LPCAT2: variants seen among roughly 807,000 people sequenced by gnomAD.
LPCAT2 encodes the protein lysophosphatidylcholine acyltransferase 2.
Under a neutral mutation model 64.7 loss-of-function variants are expected in LPCAT2, and 58 were observed. The ratio of observed to expected loss-of-function variants is 0.90; its 90% confidence interval spans 0.73 to 1.12. The LOEUF is 1.12. Among genes scored for constraint, LPCAT2 ranks in the 50% most tolerant of loss-of-function variants. The pLI, the probability that LPCAT2 is intolerant of heterozygous loss-of-function variation, is 0.00. For missense variants in LPCAT2, 579 were observed against 669.8 expected, an observed-to-expected ratio of 0.86 and a Z score of 1.50; for synonymous variants, 252 against 245.3, an observed-to-expected ratio of 1.03 and a Z score of -0.26.
rs149831817 is a variant in LPCAT2 at position 55,522,627 on chromosome 16, T to TA, written c.172-2880dup. Among the ~76,000 whole-genome samples, 634 of 151,860 alleles carry TA rather than the reference T, an allele frequency of 4.2e-3. 4 individuals are homozygous for TA. The highest frequency in any genetic ancestry group is 0.014 in the African/African-American group (602 of 41,540). On this transcript the variant is annotated intron_variant, in intron 1 of 13. Coordinates refer to ENST00000262134, the MANE Select transcript of LPCAT2 (RefSeq NM_017839.5). Reference sequence around the variant, plus strand: ...TAAGGTGGTGGAGTATTGACAGAAGTATAGATCAACAGATCAATGCAACAG... The same window carrying TA: ...TAAGGTGGTGGAGTATTGACAGAAGTAATAGATCAACAGATCAATGCAACAG...
intron 8 of LPCAT2, chr16:55,539,634 G>GTA (rs1377864501): frequency 6.6e-6 from 1 of 152,064 alleles, no homozygotes; most frequent in Non-Finnish European, 1.5e-5. Flanking sequence ...CAGGCACTAA[G>GTA]TATACCACAC....
chr16:55,509,978 G>T (rs1469977106), intron 1 of LPCAT2, among the ~76,000 whole-genome samples: 1 of 134,312 alleles, frequency 7.4e-6, no homozygotes, highest in Non-Finnish European at 1.6e-5. Context: ...CGGGAGAGTA[G>T]ATTTGAAGAA....
intron 11 of LPCAT2, among the ~76,000 whole-genome samples, chr16:55,563,082 G>A (rs2142409445): frequency 6.6e-6 from 1 of 151,960 alleles, no homozygotes; most frequent in African/African-American, 2.4e-5. Context: ...TAAAAAGGAT[G>A]ATGAGTGAGT....
intron 13 of LPCAT2, among the ~76,000 whole-genome samples, chr16:55,581,752 T>G (rs1963889204): frequency 6.6e-6 from 1 of 152,214 alleles, no homozygotes; most frequent in Non-Finnish European, 1.5e-5. Flanking sequence ...AATAAAGTTT[T>G]ATCCACCCAA....
intron 11 of LPCAT2, chr16:55,557,107 A>G (rs1412327765): frequency 6.6e-6 from 1 of 152,228 alleles, no homozygotes; most frequent in Non-Finnish European, 1.5e-5. Flanking sequence ...AGGTTTAGAT[A>G]TAAACCGTAA....
At chr16:55,552,071 T>A (rs1199043763) in intron 11 of LPCAT2, among the ~76,000 whole-genome samples, 2 of 152,200 alleles carry the variant, frequency 1.3e-5, no homozygotes, top group Admixed American at 6.5e-5. Flanking sequence ...ATATATATAT[T>A]TTCTTGCAGC....
At chr16:55,538,875 G>C (rs943967138) in intron 8 of LPCAT2, 1 of 151,834 alleles carries the variant, frequency 6.6e-6, no homozygotes, top group African/African-American at 2.4e-5. Context: ...ATATCTCCCG[G>C]AACCAGTGTT....
At chr16:55,554,994 A>C (rs889537324) in intron 11 of LPCAT2, among the ~76,000 whole-genome samples, 2 of 152,172 alleles carry the variant, frequency 1.3e-5, no homozygotes. Flanking sequence ...GCTCCAAAAC[A>C]ATTATAATAG....
intron 6 of LPCAT2, among the ~76,000 whole-genome samples, chr16:55,533,135 T>G (rs181528067): frequency 6.6e-6 from 1 of 152,332 alleles, no homozygotes; most frequent in East Asian, 1.9e-4. Flanking sequence ...TACTCTGTTG[T>G]CACCATGTTG....
chr16:55,509,861 G>A (rs1365557318), intron 1 of LPCAT2, among the ~76,000 whole-genome samples: 1 of 152,128 alleles, frequency 6.6e-6, no homozygotes, highest in Non-Finnish European at 1.5e-5. Context: ...GAGCTGGCTG[G>A]TGGCGCAGGC....
rs532384754 is a variant in LPCAT2 at position 55,547,019 on chromosome 16, C to T, written c.935+1202C>T. Among the ~76,000 whole-genome samples the T allele has an allele frequency of 3.9e-5, 6 of 152,136 alleles. 1 individual carries two copies. In the East Asian group the frequency reaches 1.2e-3, roughly 29 times the overall value. ...AAAATTAGCCAGGCATTATGGCAAG[C>T]GCCTGTAATCCCAGCTACTCAGGAG... On this transcript the variant is annotated intron_variant, in intron 9 of 13. Transcript: ENST00000262134.
chr16:55,564,972 A>G (rs1242489436), intron 11 of LPCAT2, among the ~76,000 whole-genome samples: 2 of 152,052 alleles, frequency 1.3e-5, no homozygotes, highest in East Asian at 3.8e-4. Flanking sequence ...TAGAATATTT[A>G]AAGAACTCCT....
At chr16:55,579,327 C>A in intron 13 of LPCAT2, 83 bp downstream of exon 13, 1 of 1,301,672 alleles carries the variant, frequency 7.7e-7, no homozygotes, top group East Asian at 2.4e-5. Context: ...TACTGTTTCT[C>A]TTAACTAATT....
chr16:55,560,560 G>A (rs1449805029), intron 11 of LPCAT2, among the ~76,000 whole-genome samples: 2 of 152,048 alleles, frequency 1.3e-5, no homozygotes, highest in African/African-American at 2.4e-5. Flanking sequence ...AGCATAAAAA[G>A]GTATAGGCAC....
chr16:55,563,232 C>T (rs1361328585), intron 11 of LPCAT2, among the ~76,000 whole-genome samples: 2 of 151,724 alleles, frequency 1.3e-5, no homozygotes, highest in African/African-American at 2.4e-5. Context: ...AATCAGTAAC[C>T]AAAAACCTCC....
rs1358056415 is a variant in LPCAT2, at chr16:55,509,198, A to C, written c.17A>C (p.Gln6Pro). MSRCA[Q>P]AAEVAATVPG... is the part of the protein sequence containing the mutation. ...GGCTCAACTATGAGCCGGTGCGCCC[A>C]GGCGGCGGAAGTGGCGGCCACAGTG... The change falls in exon 1 of 14, where the codon CAG becomes CCG. Residue 6 changes from glutamine (Q) to proline (P), a missense_variant. By Grantham distance (76) the Gln-to-Pro change is moderately conservative. Coordinates refer to ENST00000262134, the MANE Select transcript of LPCAT2 (RefSeq NM_017839.5). 6.4e-6 allele frequency: 9 copies of C among 1,407,180 alleles called. No homozygotes were observed. Among genetic ancestry groups the C allele is most frequent in the Non-Finnish European group, 8.4e-6 (9 of 1,075,066 alleles). 87.2% of individuals were successfully genotyped at this position (1,407,180 alleles called of 1,614,324 possible).
chr16:55,509,991 C>CTTTTTTTTTTTTTTTTTTTTT (rs57496150), intron 1 of LPCAT2, among the ~76,000 whole-genome samples: 7 of 102,542 alleles, frequency 6.8e-5, no homozygotes, highest in South Asian at 3.6e-4. Flanking sequence ...TTGAAGAAGT[C>CTTTTTTTTTTTTTTTTTTTTT]TTTTTTTTTT....
intron 11 of LPCAT2, chr16:55,567,442 A>G (rs746144425): frequency 2.5e-6 from 4 of 1,613,818 alleles, no homozygotes; most frequent in Admixed American, 3.3e-5. Context: ...CTGGATAGAG[A>G]TAGAGATGGC....
intron 11 of LPCAT2, among the ~76,000 whole-genome samples, chr16:55,566,166 G>A (rs1567404566): frequency 6.6e-6 from 1 of 152,144 alleles, no homozygotes; most frequent in Non-Finnish European, 1.5e-5. Context: ...CACCACAGCA[G>A]CCCTATGGAA....
Sources: allele counts gnomAD v4.1 joint callset (sites outside exome capture counted in the v4.1 genomes callset), GRCh38; gene constraint gnomAD v4.1.1; transcripts MANE v1.5; gene names NCBI Gene and HGNC (gene_info 2026-07-23, HGNC 2026-07-21).